DOCK1: variants seen among roughly 807,000 people sequenced by gnomAD.
DOCK1 encodes the protein dedicator of cytokinesis 1.
Under a neutral mutation model 262.7 loss-of-function variants are expected in DOCK1, and 138 were observed. That is an observed-to-expected ratio of 0.53 (90% CI 0.46 to 0.61). DOCK1 has a LOEUF of 0.61. Ranked by LOEUF, DOCK1 falls within the 20% of genes least tolerant of loss-of-function variation. The pLI, the probability that DOCK1 is intolerant of heterozygous loss-of-function variation, is 0.00. For missense variants in DOCK1, 1,908 were observed against 2,370.7 expected, an observed-to-expected ratio of 0.80 and a Z score of 4.05; for synonymous variants, 866 against 867.4, an observed-to-expected ratio of 1.00 and a Z score of 0.03.
intron 27 of DOCK1, among the ~76,000 whole-genome samples, chr10:127,179,745 C>T (rs1321297860): frequency 6.6e-6 from 1 of 152,186 alleles, no homozygotes; most frequent in African/African-American, 2.4e-5. Flanking sequence ...GTGGAACCTT[C>T]TCCCACACTA....
In DOCK1 at chr10:126,995,975, T is replaced by C. The variant is rs2040162232; in HGVS notation, c.474-773T>C. ...GATCTCTCCTCCAAGTTTTCTTCCC[T>C]CTCTCCTTCCTCAACTCTCTGATGA... On this transcript the variant is annotated intron_variant, in intron 6 of 51. Transcript: ENST00000623213. The surrounding 1 kb of genome is among the most constrained non-coding windows in gnomAD (Gnocchi z 5.8). Among the ~76,000 whole-genome samples the C allele has an allele frequency of 6.6e-6, 1 of 152,146 alleles. No homozygotes were observed. Among genetic ancestry groups the C allele is most frequent in the African/African-American group, 2.4e-5 (1 of 41,440 alleles).
At position 126,995,245 on chromosome 10, in the gene DOCK1, C is replaced by T. The variant is rs561149056; in HGVS notation, c.474-1503C>T. Among the ~76,000 whole-genome samples, 5 of 151,990 alleles carry T rather than the reference C, an allele frequency of 3.3e-5. No homozygotes were observed. In the South Asian group the frequency reaches 6.3e-4, roughly 19 times the overall value. ...CTCACTTCCCAGACGGGGTGGCGGC[C>T]GGGCAGAGGCTGCAATCTCGGCACT... On this transcript the variant is annotated intron_variant, in intron 6 of 51. Coordinates refer to ENST00000623213, the MANE Select transcript of DOCK1 (RefSeq NM_001290223.2). This position sits in a 1 kb window ranked among gnomAD's most constrained non-coding sequence, Gnocchi z 5.8.
intron 1 of DOCK1, among the ~76,000 whole-genome samples, chr10:126,946,945 G>A (rs1040636637): frequency 3.1e-4 from 47 of 152,272 alleles, no homozygotes; most frequent in African/African-American, 6.5e-4. Context: ...TGGATCAGAC[G>A]CTCATTGTGA....
At chr10:127,200,349 G>A (rs1431837964) in intron 27 of DOCK1, among the ~76,000 whole-genome samples, 2 of 152,220 alleles carry the variant, frequency 1.3e-5, no homozygotes, top group Admixed American at 6.5e-5. Flanking sequence ...GCTCTGCTAC[G>A]AGGGTTTGTG....
chr10:126,957,658 G>A (rs1049720493), intron 1 of DOCK1, among the ~76,000 whole-genome samples: 3 of 151,854 alleles, frequency 2.0e-5, no homozygotes, highest in Non-Finnish European at 2.9e-5. Flanking sequence ...AATATATTTC[G>A]TTGTAGATAC....
chr10:127,081,134 A>T (rs1218913204), intron 23 of DOCK1, among the ~76,000 whole-genome samples: 1 of 152,194 alleles, frequency 6.6e-6, no homozygotes. Flanking sequence ...ATTTTCTTAG[A>T]TGAGCAGTTA....
intron 29 of DOCK1, among the ~76,000 whole-genome samples, chr10:127,321,451 T>C (rs2062523949): frequency 1.3e-5 from 2 of 149,932 alleles, no homozygotes; most frequent in African/African-American, 4.9e-5. Context: ...TATTCTAAAA[T>C]CTCTCTTCAG....
chr10:127,073,188 G>T (rs1013393347), intron 23 of DOCK1, among the ~76,000 whole-genome samples: 1 of 152,202 alleles, frequency 6.6e-6, no homozygotes, highest in Non-Finnish European at 1.5e-5. Flanking sequence ...GAAAGGTATT[G>T]CATGCTTATA....
intron 27 of DOCK1, among the ~76,000 whole-genome samples, chr10:127,195,787 C>T (rs2057084695): frequency 6.6e-6 from 1 of 152,156 alleles, no homozygotes; most frequent in African/African-American, 2.4e-5. Context: ...GTTGCATAAC[C>T]TTGCCCCCCA....
At chr10:127,177,498 C>A (rs1360002730) in intron 27 of DOCK1, among the ~76,000 whole-genome samples, 11 of 152,186 alleles carry the variant, frequency 7.2e-5, no homozygotes, top group Admixed American at 7.2e-4. Flanking sequence ...TTCGCCTTTT[C>A]CCCCCTTGTG....
intron 29 of DOCK1, among the ~76,000 whole-genome samples, chr10:127,321,406 C>T (rs1463207528): frequency 6.9e-6 from 1 of 145,506 alleles, no homozygotes; most frequent in Non-Finnish European, 1.5e-5. Context: ...TGGCATTCTC[C>T]AAGGCTCTTT....
chr10:127,385,181 C>T (rs910389127), intron 38 of DOCK1, among the ~76,000 whole-genome samples: 3 of 152,134 alleles, frequency 2.0e-5, no homozygotes, highest in African/African-American at 7.2e-5. Context: ...AACACTGATT[C>T]GGAGGTGTTT....
intron 27 of DOCK1, among the ~76,000 whole-genome samples, chr10:127,215,459 C>T (rs948454234): frequency 2.0e-5 from 3 of 152,272 alleles, no homozygotes; most frequent in East Asian, 1.9e-4. Context: ...CACGGATAGC[C>T]GGGGCATCTA....
intron 29 of DOCK1, among the ~76,000 whole-genome samples, chr10:127,297,964 C>A (rs2061557830): frequency 6.6e-6 from 1 of 152,036 alleles, no homozygotes; most frequent in Non-Finnish European, 1.5e-5. Flanking sequence ...TTTATATTAT[C>A]TTGAGGGGAA....
chr10:127,087,722 G>T (rs929172312), intron 23 of DOCK1, among the ~76,000 whole-genome samples: 8 of 152,186 alleles, frequency 5.3e-5, no homozygotes, highest in African/African-American at 1.9e-4. Flanking sequence ...ACTAGGAATT[G>T]GCATCATTTA....
intron 1 of DOCK1, among the ~76,000 whole-genome samples, chr10:126,967,158 C>T (rs916910632): frequency 4.6e-5 from 7 of 152,118 alleles, no homozygotes; most frequent in African/African-American, 1.7e-4. Context: ...GCAAAAAGGC[C>T]ACCATCTTTG....
intron 18 of DOCK1, 102 bp downstream of exon 18, chr10:127,032,422 A>G: frequency 2.4e-6 from 3 of 1,258,556 alleles, no homozygotes; most frequent in East Asian, 2.7e-5. Context: ...AGGTGCATGA[A>G]CGTCACCCAT....
chr10:127,334,936 C>CTGA (rs2063129958), intron 29 of DOCK1, among the ~76,000 whole-genome samples: 1 of 152,106 alleles, frequency 6.6e-6, no homozygotes, highest in Non-Finnish European at 1.5e-5. Context: ...AGCTGAATCC[C>CTGA]ACCGCAGAAA....
chr10:126,963,677 C>T (rs897545375), intron 1 of DOCK1, among the ~76,000 whole-genome samples: 2,483 of 116,708 alleles, frequency 0.021, 194 homozygotes, highest in African/African-American at 0.094. Context: ...CTTCCTCCCT[C>T]CCTTCCTCCC....
Sources: gnomAD v4.1 joint callset for allele counts (sites outside exome capture counted in the v4.1 genomes callset) on GRCh38, gnomAD v4.1.1 for gene constraint, Gnocchi (gnomAD v3.1) non-coding constraint, MANE v1.5 for transcripts, NCBI Gene and HGNC (gene_info 2026-07-23, HGNC 2026-07-21) for gene names.